Variants in ZNF726 observed in about 807,000 individuals in gnomAD.
The protein encoded by ZNF726 is zinc finger protein 726, also known as zinc finger protein 92 pseudogene 3.
In ZNF726, 15 loss-of-function variants were observed where a neutral mutation model predicts 11.6. That is an observed-to-expected ratio of 1.29 (90% CI 0.86 to 1.99). ZNF726 has a LOEUF of 1.99. Ranked by LOEUF, ZNF726 falls within the 30% of genes most tolerant of loss-of-function variation. The pLI is 0.00. For missense variants in ZNF726, 890 were observed against 725.6 expected (o/e 1.23, Z -2.60); for synonymous variants, 295 against 243.6 (o/e 1.21, Z -1.96).
Position 23,927,839 on chromosome 19 carries a change from A to G in ZNF726, c.227-4504A>G, listed in dbSNP as rs552810461. 3.9e-5 allele frequency: 6 copies of G among 152,298 alleles called. No homozygotes were observed. The East Asian group carries it at 7.7e-4, about 20-fold the overall frequency. The allele number at this position is 152,298 out of a possible 1,614,324, so 9.4% of individuals were successfully genotyped here. ...GTCCTAACAGAATACACCAGCTGCA[A>G]ATAAGAATATTGTGTATTTTCTTGC... On this transcript the variant is annotated intron_variant, in intron 3 of 3. Transcript: ENST00000594466.
At position 23,926,797 on chromosome 19, in the gene ZNF726, C is replaced by G. The variant is rs115495635; in HGVS notation, c.227-5546C>G. On this transcript the variant is annotated intron_variant, in intron 3 of 3. Coordinates refer to ENST00000594466, the MANE Select transcript of ZNF726 (RefSeq NM_001244038.2). The stretch of plus-strand genomic sequence containing the variant: ...TTCTGGGCTCTCTATTCTGTTCTTT[C>G]ATCTCTTTATCTGTCTTTGTGTCAG... 5.9e-3 allele frequency among the ~76,000 whole-genome samples: 904 copies of G among 152,080 alleles called. 9 individuals are homozygous for G. The highest frequency in any genetic ancestry group is 0.021 in the African/African-American group (865 of 41,488).
chr19:23,916,974 A>G (rs1473000083), intron 1 of ZNF726, among the ~76,000 whole-genome samples: 1 of 152,214 alleles, frequency 6.6e-6, no homozygotes, highest in Non-Finnish European at 1.5e-5. Flanking sequence ...TTTTTAAGAC[A>G]GAGTTTCCCT....
chr19:23,932,591 A>T lies in ZNF726; in HGVS notation c.475A>T (p.Asn159Tyr), dbSNP rs772686748. Residue 159 changes from asparagine (N) to tyrosine (Y), a missense_variant, in exon 4 of 4, where the codon AAT (asparagine) becomes TAT (tyrosine). Coordinates refer to ENST00000594466, the MANE Select transcript of ZNF726 (RefSeq NM_001244038.2). ...KYLKVFYKFI[N>Y]LNRYKIRHTR... ...TTTGAAAGTCTTTTATAAATTTATA[A>T]ATTTAAACAGATATAAGATAAGACA... 6.5e-7 allele frequency: 1 copy of T among 1,545,842 alleles called. No individual in the cohort carries two copies. The highest frequency in any genetic ancestry group is 1.2e-5 in the South Asian group (1 of 82,146).
At chr19:23,930,515 G>A (rs181466589) in intron 3 of ZNF726, among the ~76,000 whole-genome samples, 3 of 152,064 alleles carry the variant, frequency 2.0e-5, no homozygotes, top group East Asian at 1.9e-4. Context: ...AAGACATTGT[G>A]GAGCAAAATC....
intron 3 of ZNF726, 89 bp downstream of exon 3, chr19:23,920,171 A>T (rs1967808094): frequency 2.2e-6 from 2 of 912,284 alleles, no homozygotes; most frequent in Non-Finnish European, 3.2e-6. Context: ...GGAAAGCTGC[A>T]TTCCAAAGGA....
At chr19:23,937,080 C>T (rs546276602), downstream of ZNF726, among the ~76,000 whole-genome samples, 19 of 142,524 alleles carry the variant, frequency 1.3e-4, no homozygotes, top group East Asian at 6.7e-4. Flanking sequence ...GCTGGCCGGG[C>T]GGGGGGCTGA....
chr19:23,934,956 C>T (rs1049630652), downstream of ZNF726, among the ~76,000 whole-genome samples: 2 of 152,336 alleles, frequency 1.3e-5, no homozygotes, highest in Non-Finnish European at 1.5e-5. Context: ...AGCCTGGTCC[C>T]TTTAACAGAG....
In ZNF726 at chr19:23,932,603, T is replaced by TA; in HGVS notation, c.488dup (p.Tyr163Ter). ...TTATAAATTTATAAATTTAAACAGATATAAGATAAGACATACTAGAAAGAA... is the reference window on the plus strand; with the variant it reads ...TTATAAATTTATAAATTTAAACAGATAATAAGATAAGACATACTAGAAAGAA... Reference protein sequence around the residue: ...VFYKFINLNRYKIRHTRKKPF... With the variant: ...VFYKFINLNR Residue 163 changes from tyrosine (Y) to a stop codon, truncating the protein, a stop_gained and frameshift_variant, in exon 4 of 4, where the codon TAT (tyrosine) becomes TAAT (stop). Coordinates refer to ENST00000594466, the MANE Select transcript of ZNF726 (RefSeq NM_001244038.2). LOFTEE classifies it low-confidence loss of function (END_TRUNC). 6.5e-7 allele frequency: 1 copy of TA among 1,544,024 alleles called. No homozygotes were observed. The highest frequency in any genetic ancestry group is 1.2e-5 in the South Asian group (1 of 82,594).
intron 3 of ZNF726, among the ~76,000 whole-genome samples, chr19:23,924,507 A>G (rs996001215): frequency 6.6e-6 from 1 of 152,128 alleles, no homozygotes; most frequent in Non-Finnish European, 1.5e-5. Flanking sequence ...AAAGATTCAT[A>G]ATCCTGTATT....
chr19:23,933,517 C>A lies in ZNF726; in HGVS notation c.1401C>A (p.Ala467=). The A allele has an allele frequency of 6.2e-7, 1 of 1,611,796 alleles. No individual in the cohort carries two copies. Among genetic ancestry groups the A allele is most frequent in the Non-Finnish European group, 8.5e-7 (1 of 1,179,700 alleles). Residue 467 remains alanine, a synonymous_variant, in exon 4 of 4, where the codon GCC becomes GCA. Coordinates refer to ENST00000594466, the MANE Select transcript of ZNF726 (RefSeq NM_001244038.2). ...ECSKAFSRSS[A]LTTHKRMHTG... ...GTAAAGCATTTAGCCGATCCTCAGC[C>A]CTAACTACACATAAGAGGATGCACA...
In ZNF726 at chr19:23,934,350, C is replaced by A; in HGVS notation, c.*383C>A. 1.8e-6 allele frequency: 1 copy of A among 548,446 alleles called. No homozygotes were observed. The allele number at this position is 548,446 out of a possible 1,614,324, so 34.0% of individuals were successfully genotyped here. A position where few individuals can be genotyped will look rare whatever the true frequency, so the allele number is the denominator to read the frequency against. ...GCCTTTAAATGTTCCTCAACTGTTA[C>A]TGAACATAAAGTAATTCATACTGAA... On this transcript the variant is annotated 3_prime_UTR_variant, in exon 4 of 4. Transcript: ENST00000594466.
downstream of ZNF726, among the ~76,000 whole-genome samples, chr19:23,936,779 G>T (rs1167561227): frequency 6.6e-6 from 1 of 150,626 alleles, no homozygotes; most frequent in Non-Finnish European, 1.5e-5. Context: ...ATTTTTTAAG[G>T]TCACAGATCA....
chr19:23,932,994 C>T lies in ZNF726; in HGVS notation c.878C>T (p.Ala293Val), dbSNP rs1467841646. Residue 293 changes from alanine (A) to valine (V), a missense_variant, in exon 4 of 4, where the codon GCA (alanine) becomes GTA (valine). Ala to Val is a moderately conservative substitution (Grantham distance 64). Transcript: ENST00000594466. ...TGCAAATGTGAAGAATGTGGCAAAG[C>T]ATTTAGCCAACCCTCAGCACTAACC... Reference protein sequence around the residue: ...KPCKCEECGKAFSQPSALTIH... With the variant: ...KPCKCEECGKVFSQPSALTIH... 1.2e-6 allele frequency: 2 copies of T among 1,612,648 alleles called. No homozygotes were observed. Among genetic ancestry groups the T allele is most frequent in the Non-Finnish European group, 1.7e-6 (2 of 1,179,852 alleles).
rs1262045830 is a variant in ZNF726, at chr19:23,943,496, CT to C, written c.231del (p.Ala78LeufsTer7). The C allele has an allele frequency of 3.2e-6, 2 of 623,260 alleles. No individual in the cohort carries two copies. Among genetic ancestry groups the C allele is most frequent in the Non-Finnish European group, 6.0e-6 (2 of 335,954 alleles). The allele number at this position is 623,260 out of a possible 1,614,324, so 38.6% of individuals were successfully genotyped here. A position where few individuals can be genotyped will look rare whatever the true frequency, so the allele number is the denominator to read the frequency against. On this transcript the variant is annotated frameshift_variant, in exon 4 of 5. Coordinates refer to the ZNF726 transcript ENST00000334589. LOFTEE classifies it high-confidence loss of function. ...ATTACTTTTTTCTAACAAAACAGGC[CT>C]TGCTGTCTCTAACCCTGATCTGATC...
intron 3 of ZNF726, among the ~76,000 whole-genome samples, chr19:23,930,830 A>T (rs1292572956): frequency 6.6e-6 from 1 of 152,224 alleles, no homozygotes. Flanking sequence ...TGTCTAAAAA[A>T]CACGACAAAA....
In ZNF726 at chr19:23,919,287, T is replaced by C. The variant is rs987046270; in HGVS notation, c.4-86T>C. 2.6e-6 allele frequency: 4 copies of C among 1,562,406 alleles called. No individual in the cohort carries two copies. In the African/African-American group the frequency reaches 4.1e-5, roughly 16 times the overall value. ...CTCTTATAAGTTAGAATCAATTCTA[T>C]TCACTTTCTGATTTTACCTTGAGTC... On this transcript the variant is annotated intron_variant, in intron 1 of 3. Coordinates refer to ENST00000594466, the MANE Select transcript of ZNF726 (RefSeq NM_001244038.2).
chr19:23,936,423 A>G (rs58158862), downstream of ZNF726, among the ~76,000 whole-genome samples: 36,025 of 152,104 alleles, frequency 0.24, 4,478 homozygotes, highest in African/African-American at 0.27. Flanking sequence ...TTAAAAAAGC[A>G]AATAATGGAG....
chr19:23,921,014 T>G (rs1967835029), intron 3 of ZNF726: 1 of 152,158 alleles, frequency 6.6e-6, no homozygotes, highest in African/African-American at 2.4e-5. Flanking sequence ...AAATATAGTT[T>G]GGGCCATGCG....
At chr19:23,923,055 A>G (rs1044809672) in intron 3 of ZNF726, among the ~76,000 whole-genome samples, 1 of 152,100 alleles carries the variant, frequency 6.6e-6, no homozygotes, top group African/African-American at 2.4e-5. Flanking sequence ...TTGTTCCTGA[A>G]TTAAATTAGA....
Sources: gnomAD v4.1 joint callset for allele counts (sites outside exome capture counted in the v4.1 genomes callset) on GRCh38, gnomAD v4.1.1 for gene constraint, MANE v1.5 for transcripts, NCBI Gene and HGNC (gene_info 2026-07-23, HGNC 2026-07-21) for gene names.